The following RORA variants were observed in gnomAD, a reference collection of about 807,000 sequenced individuals.
RORA encodes the protein nuclear receptor ROR-alpha.
Under a neutral mutation model 69.5 loss-of-function variants are expected in RORA, and 7 were observed. That is an observed-to-expected ratio of 0.10 (90% confidence interval 0.06 to 0.19). The LOEUF (loss-of-function observed/expected upper bound fraction) is 0.19, where lower values mean the gene tolerates loss of function less well. RORA is among the 10% of genes least tolerant of loss of function. The probability of loss-of-function intolerance (pLI) is 1.00; values close to 1 mark genes in which losing one functional copy is unlikely to be tolerated. For synonymous variants in RORA, 261 were observed against 240.8 expected, an observed-to-expected ratio of 1.08 and a Z score of -0.78; for missense variants, 457 against 663.0, an observed-to-expected ratio of 0.69 and a Z score of 3.41.
intron 3 of RORA, among the ~76,000 whole-genome samples, chr15:60,516,277 T>G (rs80105955): frequency 0.017 from 1,750 of 100,662 alleles, 118 homozygotes; most frequent in African/African-American, 0.068. Context: ...ATATTTTTTT[T>G]GGTCGAGATG....
chr15:60,864,274 A>C (rs2073462476), intron 1 of RORA, among the ~76,000 whole-genome samples: 1 of 152,220 alleles, frequency 6.6e-6, no homozygotes, highest in Non-Finnish European at 1.5e-5. Context: ...ATAAATTAAT[A>C]ATGCAATTAA....
At chr15:60,556,683 C>T (rs1251518389) in intron 2 of RORA, among the ~76,000 whole-genome samples, 1 of 152,170 alleles carries the variant, frequency 6.6e-6, no homozygotes, top group African/African-American at 2.4e-5. Flanking sequence ...TTTCATGAGT[C>T]TATTGGCCAC....
intron 1 of RORA, among the ~76,000 whole-genome samples, chr15:61,086,426 T>C (rs1367679494): frequency 6.6e-6 from 1 of 152,224 alleles, no homozygotes; most frequent in Non-Finnish European, 1.5e-5. Flanking sequence ...CTTAATGAAC[T>C]CAGAGTAATG....
intron 1 of RORA, among the ~76,000 whole-genome samples, chr15:60,789,141 A>C (rs1465055981): frequency 6.6e-6 from 1 of 152,178 alleles, no homozygotes; most frequent in African/African-American, 2.4e-5. Flanking sequence ...TTGAAGAACA[A>C]TTATTGATGT....
intron 1 of RORA, among the ~76,000 whole-genome samples, chr15:60,949,907 T>A (rs1467514654): frequency 9.9e-5 from 15 of 152,184 alleles, no homozygotes; most frequent in Admixed American, 9.8e-4. Flanking sequence ...CATTTCCAGC[T>A]CGGTAGGCTA....
chr15:60,639,515 G>C (rs77584658), intron 2 of RORA, among the ~76,000 whole-genome samples: 1,610 of 152,180 alleles, frequency 0.011, 41 homozygotes, highest in East Asian at 0.089. Context: ...TGTGAGATGG[G>C]GAAAATTTCC....
At chr15:60,585,817 C>A (rs574676408) in intron 2 of RORA, among the ~76,000 whole-genome samples, 38 of 152,188 alleles carry the variant, frequency 2.5e-4, no homozygotes, top group African/African-American at 9.2e-4. Flanking sequence ...AGTTACATTT[C>A]TGATAACCAT....
At chr15:60,982,823 A>G (rs1894086075) in intron 1 of RORA, among the ~76,000 whole-genome samples, 1 of 152,192 alleles carries the variant, frequency 6.6e-6, no homozygotes, top group Non-Finnish European at 1.5e-5. Context: ...GAAAAAGCAC[A>G]TTCTGATGGT....
chr15:61,146,312 G>GA (rs918813406), intron 1 of RORA, among the ~76,000 whole-genome samples: 1 of 149,854 alleles, frequency 6.7e-6, no homozygotes, highest in African/African-American at 2.5e-5. Context: ...TCATCTACAT[G>GA]AAAAATCTAC....
At chr15:60,722,498 GCT>G (rs753712165) in intron 1 of RORA, among the ~76,000 whole-genome samples, 15 of 152,284 alleles carry the variant, frequency 9.9e-5, no homozygotes, top group Non-Finnish European at 2.2e-4. Flanking sequence ...CCTTCCTCTG[GCT>G]CTGATTAGCC....
At chr15:61,205,361 T>C (rs2079931253) in intron 1 of RORA, among the ~76,000 whole-genome samples, 3 of 152,182 alleles carry the variant, frequency 2.0e-5, no homozygotes, top group Non-Finnish European at 4.4e-5. Flanking sequence ...TCCTGCCGTG[T>C]CATAAACTCT....
intron 1 of RORA, among the ~76,000 whole-genome samples, chr15:60,942,302 G>A (rs1892724494): frequency 6.6e-6 from 1 of 152,188 alleles, no homozygotes; most frequent in Non-Finnish European, 1.5e-5. Context: ...CCTGTAAACA[G>A]CAGAGCTGGG....
At chr15:60,697,967 C>T (rs570833449) in intron 1 of RORA, among the ~76,000 whole-genome samples, 5 of 152,222 alleles carry the variant, frequency 3.3e-5, no homozygotes, top group South Asian at 4.1e-4. Flanking sequence ...GTATCCCACA[C>T]ATGTGTGTAA....
intron 1 of RORA, among the ~76,000 whole-genome samples, chr15:60,838,850 ACACACACACAC>A (rs2073155012): frequency 9.0e-5 from 2 of 22,118 alleles, no homozygotes; most frequent in East Asian, 6.5e-3. Flanking sequence ...TTCAACACAC[ACACACACACAC>A]ACACACACAC....
chr15:60,946,614 G>C (rs1254178001), intron 1 of RORA, among the ~76,000 whole-genome samples: 2 of 152,186 alleles, frequency 1.3e-5, no homozygotes, highest in Non-Finnish European at 2.9e-5. Context: ...ATCTCGGGTA[G>C]CTACAACCTC....
intron 1 of RORA, among the ~76,000 whole-genome samples, chr15:61,008,203 CTGTG>C (rs10581853): frequency 0.58 from 77,482 of 134,252 alleles, 21,256 homozygotes; most frequent in Middle Eastern, 0.65. Flanking sequence ...CTCTCTCTCT[CTGTG>C]TGTGTGTGTG....
At chr15:61,153,213 A>G (rs2079412988) in intron 1 of RORA, among the ~76,000 whole-genome samples, 1 of 152,170 alleles carries the variant, frequency 6.6e-6, no homozygotes, top group African/African-American at 2.4e-5. Context: ...GCTGGTCTCA[A>G]TGTCATGTCC....
chr15:60,739,173 C>T (rs1012486989), intron 1 of RORA, among the ~76,000 whole-genome samples: 2 of 152,158 alleles, frequency 1.3e-5, no homozygotes, highest in African/African-American at 4.8e-5. Context: ...ATGAAAAAGT[C>T]ACTTCTTTCA....
In RORA at chr15:61,131,931, G is replaced by A. The variant is rs1299228484; in HGVS notation, c.166+97122C>T. On this transcript the variant is annotated intron_variant, in intron 1 of 10. Coordinates refer to ENST00000335670, the MANE Select transcript of RORA (RefSeq NM_134261.3). This position sits in a 1 kb window ranked among gnomAD's most constrained non-coding sequence, Gnocchi z 4.2. ...AAACAGCACTGAATTGGAACTGGGG[G>A]TAGATGCTGTAACCCTGATTACTAG... Among the ~76,000 whole-genome samples, 4 of 152,242 alleles carry A rather than the reference G, an allele frequency of 2.6e-5. No homozygotes were observed. Among genetic ancestry groups the A allele is most frequent in the South Asian group, 2.1e-4 (1 of 4,834 alleles).
Sources: allele counts gnomAD v4.1 joint callset (sites outside exome capture counted in the v4.1 genomes callset), GRCh38; gene constraint gnomAD v4.1.1; non-coding constraint Gnocchi (gnomAD v3.1); transcripts MANE v1.5; gene names NCBI Gene and HGNC (gene_info 2026-07-23, HGNC 2026-07-21).